The following NECAP1 variants were observed in gnomAD, a reference collection of about 807,000 sequenced individuals.
NECAP1 encodes NECAP endocytosis associated 1.
A neutral mutation model predicts 33.4 loss-of-function variants in NECAP1; 13 were observed. The observed-to-expected ratio is 0.39, with a 90% CI of 0.25 to 0.62. NECAP1 has a LOEUF of 0.62. Ranked by LOEUF, NECAP1 falls within the 20% of genes least tolerant of loss-of-function variation. The pLI, the probability that NECAP1 is intolerant of heterozygous loss-of-function variation, is 0.52. For missense variants in NECAP1, 272 were observed against 347.4 expected (o/e 0.78, Z 1.73); for synonymous variants, 109 against 125.2 (o/e 0.87, Z 0.86).
chr12:8,082,816 A>ACACACC (rs1248262511), intron 1 of NECAP1: 1 of 139,306 alleles, frequency 7.2e-6, no homozygotes, highest in African/African-American at 2.8e-5. Context: ...ACACACACAC[A>ACACACC]CCTTTCCAGT....
chr12:8,091,411 G>T, intron 3 of NECAP1: 6 of 274,994 alleles, frequency 2.2e-5, no homozygotes, highest in South Asian at 9.4e-5. Context: ...GAATCAGCGG[G>T]AGCCTTGGGC....
chr12:8,090,039 A>G lies in NECAP1; in HGVS notation c.196+3A>G. The G allele has an allele frequency of 6.2e-7, 1 of 1,612,156 alleles. No homozygotes were observed. Among genetic ancestry groups the G allele is most frequent in the African/African-American group, 1.3e-5 (1 of 75,016 alleles). ...CAAACTCGAGGATAAAGTTTCAGGT[A>G]ATCTTTGCGGGTGACCCTCTAACAT... On this transcript the variant is annotated splice_donor_region_variant and intron_variant, in intron 2 of 7. Transcript: ENST00000339754.
At chr12:8,087,270 A>T (rs1947500204) in intron 1 of NECAP1, among the ~76,000 whole-genome samples, 1 of 151,332 alleles carries the variant, frequency 6.6e-6, no homozygotes, top group Non-Finnish European at 1.5e-5. Flanking sequence ...TTATTTATAT[A>T]TATATAAAGT....
At chr12:8,092,004 G>A in intron 4 of NECAP1, 154 bp downstream of exon 4, 1 of 663,800 alleles carries the variant, frequency 1.5e-6, no homozygotes, top group South Asian at 1.9e-5. Flanking sequence ...TGTTTCCTTA[G>A]GTCATCTTTG....
intron 3 of NECAP1, 51 bp from the exon 4 acceptor site, chr12:8,091,718 C>T (rs1459929293): frequency 6.4e-7 from 1 of 1,554,286 alleles, no homozygotes; most frequent in Non-Finnish European, 8.9e-7. Context: ...GGGTTGGGGG[C>T]TCCTGCCATA....
intron 4 of NECAP1, 93 bp downstream of exon 4, chr12:8,091,943 C>A (rs1947549585): frequency 1.8e-6 from 2 of 1,105,446 alleles, no homozygotes; most frequent in South Asian, 2.7e-5. Context: ...CTCCTGGTTT[C>A]TTTGTTTCTT....
At position 8,082,567 on chromosome 12, in the gene NECAP1, A is replaced by G. The variant is rs775830504; in HGVS notation, c.95+184A>G. The stretch of plus-strand genomic sequence containing the variant: ...CTCCACTCTGGACTGTCATCACCAT[A>G]TTTCTGCCGTTTTTTTTTTTGTTTT... On this transcript the variant is annotated intron_variant, in intron 1 of 7. Transcript: ENST00000339754. Among the ~76,000 whole-genome samples, 445 of 101,528 alleles carry G rather than the reference A, an allele frequency of 4.4e-3. 3 individuals are homozygous for G. The highest frequency in any genetic ancestry group is 0.017 in the African/African-American group (435 of 25,994). The allele number at this position is 101,528 out of a possible 152,430, so 66.6% of individuals were successfully genotyped here. A position where few individuals can be genotyped will look rare whatever the true frequency, so the allele number is the denominator to read the frequency against.
At chr12:8,083,367 T>C (rs1301771364) in intron 1 of NECAP1, among the ~76,000 whole-genome samples, 1 of 151,520 alleles carries the variant, frequency 6.6e-6, no homozygotes, top group Non-Finnish European at 1.5e-5. Flanking sequence ...ATATAATGGA[T>C]GTGAAAGAAT....
At chr12:8,084,877 A>C (rs2120458530) in intron 1 of NECAP1, among the ~76,000 whole-genome samples, 1 of 152,360 alleles carries the variant, frequency 6.6e-6, no homozygotes, top group South Asian at 2.1e-4. Context: ...AGAAATCAGT[A>C]GATTACACAG....
intron 3 of NECAP1, 54 bp from the exon 4 acceptor site, chr12:8,091,715 G>A (rs992121633): frequency 2.1e-5 from 33 of 1,541,530 alleles, no homozygotes; most frequent in East Asian, 6.7e-5. Flanking sequence ...CGGGGGTTGG[G>A]GGCTCCTGCC....
chr12:8,087,018 A>T (rs140101510), intron 1 of NECAP1, among the ~76,000 whole-genome samples: 1 of 144,242 alleles, frequency 6.9e-6, no homozygotes, highest in South Asian at 2.3e-4. Context: ...TTTTTTTAAA[A>T]AAAAATTCTT....
At chr12:8,091,119 T>G (rs1219175399) in intron 3 of NECAP1, 2 of 152,968 alleles carry the variant, frequency 1.3e-5, no homozygotes, top group African/African-American at 2.4e-5. Flanking sequence ...ATGGGCTCTA[T>G]GTAGTTTATC....
rs754084075 is a variant in NECAP1, at chr12:8,090,271, C to G, written c.273C>G (p.Tyr91Ter). The change falls in exon 3 of 8, where the codon TAC becomes TAG. Residue 91 changes from tyrosine (Y) to a stop codon, truncating the protein, a stop_gained. Coordinates refer to ENST00000339754, the MANE Select transcript of NECAP1 (RefSeq NM_015509.4). LOFTEE classifies it high-confidence loss of function. ...AVETVTDSSRYFVIRIQDGTG... is the reference protein window; with the variant it reads ...AVETVTDSSR The stretch of plus-strand genomic sequence containing the variant: ...AGACGGTGACAGATTCTAGCCGCTA[C>G]TTTGTAATCCGGATCCAGGATGGTA... 6.2e-7 allele frequency: 1 copy of G among 1,614,152 alleles called. No individual in the cohort carries two copies. Among genetic ancestry groups the G allele is most frequent in the Non-Finnish European group, 8.5e-7 (1 of 1,180,030 alleles).
intron 1 of NECAP1, chr12:8,082,774 TCACACACACACACACACACACACACACA>T (rs58270520): frequency 2.1e-4 from 30 of 141,642 alleles, no homozygotes; most frequent in Admixed American, 2.9e-4. Flanking sequence ...TCTCTCTCTC[TCACACACACACACACACACACACACACA>T]CACACACACA....
intron 1 of NECAP1, 94 bp from the exon 2 acceptor site, chr12:8,089,842 C>T: frequency 1.1e-6 from 1 of 925,940 alleles, no homozygotes; most frequent in South Asian, 1.3e-5. Flanking sequence ...AATAGGCAAT[C>T]CAGGATAGGG....
At chr12:8,090,386 T>A in intron 3 of NECAP1, 87 bp downstream of exon 3, 1 of 1,178,474 alleles carries the variant, frequency 8.5e-7, no homozygotes, top group Non-Finnish European at 1.2e-6. Context: ...TGCATTTATC[T>A]TTCTTTGGTT....
chr12:8,092,116 G>A lies in NECAP1; in HGVS notation c.383+266G>A, dbSNP rs976119905. 3 of 446,380 alleles carry A rather than the reference G, an allele frequency of 6.7e-6. No individual in the cohort carries two copies. In the Admixed American group the frequency reaches 1.1e-4, roughly 17 times the overall value. 27.7% of individuals were successfully genotyped at this position (446,380 alleles called of 1,614,324 possible). A position where few individuals can be genotyped will look rare whatever the true frequency, so the allele number is the denominator to read the frequency against. On this transcript the variant is annotated intron_variant, in intron 4 of 7. Transcript: ENST00000339754. ...GTCGAATTTGCCCCGTCTTTTAGGT[G>A]GTAGAGGGAGGCCTATGGTAACAGC...
intron 6 of NECAP1, 35 bp from the exon 7 acceptor site, chr12:8,095,566 T>C: frequency 6.4e-7 from 1 of 1,552,958 alleles, no homozygotes; most frequent in Non-Finnish European, 8.8e-7. Flanking sequence ...ATTTTGATTA[T>C]GTTTTTCTTT....
At chr12:8,092,181 T>G in intron 4 of NECAP1, 1 of 348,648 alleles carries the variant, frequency 2.9e-6, no homozygotes, top group East Asian at 7.2e-5. Flanking sequence ...TCTTGTTACC[T>G]TATGTAGCTG....
Sources: gnomAD v4.1 joint callset for allele counts (sites outside exome capture counted in the v4.1 genomes callset) on GRCh38, gnomAD v4.1.1 for gene constraint, MANE v1.5 for transcripts, NCBI Gene and HGNC (gene_info 2026-07-23, HGNC 2026-07-21) for gene names.